Variants in LARP4 observed in about 807,000 individuals in gnomAD.
LARP4 encodes La ribonucleoprotein 4.
A neutral mutation model predicts 92.9 loss-of-function variants in LARP4; 29 were observed. The ratio of observed to expected loss-of-function variants is 0.31; its 90% CI spans 0.23 to 0.43. The LOEUF (loss-of-function observed/expected upper bound fraction) is 0.43, where lower values mean the gene tolerates loss of function less well. LARP4 is among the 20% of genes least tolerant of loss of function. The pLI is 1.00. For missense variants in LARP4, 732 were observed against 860.0 expected (o/e 0.85, Z 1.86); for synonymous variants, 279 against 284.1 (o/e 0.98, Z 0.18).
At chr12:50,428,003 T>TTC in intron 2 of LARP4, 94 bp downstream of exon 2, 1 of 926,754 alleles carries the variant, frequency 1.1e-6, no homozygotes, top group East Asian at 2.8e-5. Flanking sequence ...CTTTTTTTTT[T>TTC]TTTTTTTTTT....
At chr12:50,415,157 C>T (rs1946554366) in intron 1 of LARP4, among the ~76,000 whole-genome samples, 1 of 152,218 alleles carries the variant, frequency 6.6e-6, no homozygotes, top group South Asian at 2.1e-4. Flanking sequence ...GAGCCGAGAT[C>T]GTGCCATTGC....
chr12:50,453,732 GAA>G lies in LARP4; in HGVS notation c.1017+62_1017+63del, dbSNP rs1397216631. On this transcript the variant is annotated intron_variant, in intron 9 of 15. Coordinates refer to ENST00000398473, the MANE Select transcript of LARP4 (RefSeq NM_052879.5). ...TTTTTAATTTGAGCTGAAATTTGAA[GAA>G]ATCAGTTGGAGTGGGAGCTCATTTA... 600 of 1,156,102 alleles carry G rather than the reference GAA, an allele frequency of 5.2e-4. 11 individuals carry two copies. In the South Asian group the frequency reaches 9.3e-3, roughly 18 times the overall value. 71.6% of individuals were successfully genotyped at this position (1,156,102 alleles called of 1,614,324 possible). A position where few individuals can be genotyped will look rare whatever the true frequency, so the allele number is the denominator to read the frequency against.
At chr12:50,461,477 T>C in intron 11 of LARP4, 130 bp downstream of exon 11, 2 of 976,962 alleles carry the variant, frequency 2.0e-6, no homozygotes, top group Non-Finnish European at 3.0e-6. Context: ...ATAAATACGT[T>C]ATTTTCAGAA....
intron 8 of LARP4, among the ~76,000 whole-genome samples, chr12:50,448,389 GT>G (rs151323831): frequency 0.013 from 1,963 of 152,192 alleles, 45 homozygotes; most frequent in African/African-American, 0.043. Context: ...AATTTTAACA[GT>G]TAGTAGAAAA....
Position 50,411,788 on chromosome 12 carries a change from C to G in LARP4, c.18+10760C>G, listed in dbSNP as rs891962010. Among the ~76,000 whole-genome samples the G allele has an allele frequency of 3.9e-5, 6 of 152,214 alleles. No homozygotes were observed. In the East Asian group the frequency reaches 5.8e-4, roughly 15 times the overall value. On this transcript the variant is annotated intron_variant, in intron 1 of 15. Transcript: ENST00000398473. ...CTCTGCCCCCCGAGTTCAAGTGATT[C>G]TCCTGCCTCAGCGTCCCGAGTAGCT... is the stretch of plus-strand genomic sequence containing the variant.
At chr12:50,406,918 A>G (rs149882364) in intron 1 of LARP4, among the ~76,000 whole-genome samples, 1 of 152,222 alleles carries the variant, frequency 6.6e-6, no homozygotes, top group Non-Finnish European at 1.5e-5. Context: ...AGGTTTCGCC[A>G]TGTTGGCCAA....
intron 1 of LARP4, chr12:50,416,360 T>C (rs1592831926): frequency 1.3e-5 from 2 of 152,328 alleles, no homozygotes; most frequent in South Asian, 4.1e-4. Context: ...AATCAGAGCG[T>C]CTACTGCACC....
At chr12:50,444,427 C>T (rs367915619) in intron 8 of LARP4, among the ~76,000 whole-genome samples, 2 of 151,924 alleles carry the variant, frequency 1.3e-5, no homozygotes, top group East Asian at 1.9e-4. Flanking sequence ...CTTTATGCTT[C>T]TTTTGATGAG....
intron 8 of LARP4, among the ~76,000 whole-genome samples, chr12:50,447,827 G>T (rs1952460083): frequency 6.6e-6 from 1 of 151,984 alleles, no homozygotes; most frequent in African/African-American, 2.4e-5. Context: ...GTGATTACAG[G>T]TGTCAGGCAC....
intron 1 of LARP4, 22 bp downstream of exon 1, chr12:50,401,050 C>T: frequency 1.9e-6 from 3 of 1,613,878 alleles, no homozygotes; most frequent in South Asian, 1.1e-5. Context: ...ATGCTAGTCT[C>T]GTCCTGCTCT....
intron 6 of LARP4, 126 bp downstream of exon 6, chr12:50,437,964 C>T: frequency 1.8e-6 from 1 of 559,866 alleles, no homozygotes; most frequent in Non-Finnish European, 3.2e-6. Context: ...TCAGTGCCTT[C>T]ATCAGTTACT....
intron 1 of LARP4, among the ~76,000 whole-genome samples, chr12:50,411,059 T>G (rs1945795820): frequency 6.6e-6 from 1 of 152,232 alleles, no homozygotes; most frequent in African/African-American, 2.4e-5. Context: ...TGGTCCAGTT[T>G]CCTTGCTGTT....
At chr12:50,404,469 C>T (rs1398986591) in intron 1 of LARP4, among the ~76,000 whole-genome samples, 2 of 152,054 alleles carry the variant, frequency 1.3e-5, no homozygotes. Flanking sequence ...GCAGGAGTTT[C>T]GCTTGAGTAT....
chr12:50,443,505 A>G (rs1951555092), intron 8 of LARP4, among the ~76,000 whole-genome samples: 1 of 152,252 alleles, frequency 6.6e-6, no homozygotes, highest in African/African-American at 2.4e-5. Flanking sequence ...GAACTCAAAC[A>G]GTCCTTCCAT....
chr12:50,460,990 G>A (rs1490217438), intron 10 of LARP4, 145 bp from the exon 11 acceptor site: 4 of 675,354 alleles, frequency 5.9e-6, no homozygotes, highest in African/African-American at 3.7e-5. Flanking sequence ...TGTAAAAGGG[G>A]CAACACTTTT....
At position 50,462,595 on chromosome 12, in the gene LARP4, A is replaced by C; in HGVS notation, c.1348A>C (p.Arg450=). The C allele has an allele frequency of 1.3e-6, 2 of 1,543,710 alleles. No individual in the cohort carries two copies. The highest frequency in any genetic ancestry group is 1.2e-5 in the South Asian group (1 of 84,094). ...DYGRGRRTLF[R]GRRRREDDRI... ...TCTTATTAAAAGGAGAACTCTCTTC[A>C]GAGGTCGAAGACGACGAGAAGATGA... The change falls in exon 12 of 16, where the codon AGA becomes CGA. Residue 450 remains arginine, a synonymous_variant. Coordinates refer to ENST00000398473, the MANE Select transcript of LARP4 (RefSeq NM_052879.5).
intron 7 of LARP4, among the ~76,000 whole-genome samples, chr12:50,441,098 CGGTCTCA>C (rs1158305955): frequency 6.6e-6 from 1 of 151,836 alleles, no homozygotes; most frequent in African/African-American, 2.4e-5. Flanking sequence ...TTGGTCAGGC[CGGTCTCA>C]AACTCCTGAC....
chr12:50,424,209 A>T (rs75690124), intron 1 of LARP4, among the ~76,000 whole-genome samples: 16,489 of 151,648 alleles, frequency 0.11, 1,752 homozygotes, highest in East Asian at 0.45. Context: ...ACTCTGCCAA[A>T]TTTTTTTTTA....
intron 4 of LARP4, among the ~76,000 whole-genome samples, chr12:50,430,836 A>G (rs1393770647): frequency 1.3e-5 from 2 of 151,722 alleles, no homozygotes; most frequent in East Asian, 2.0e-4. Flanking sequence ...TAATATTTGT[A>G]TTTTTAGTAG....
Sources: gnomAD v4.1 joint callset for allele counts (sites outside exome capture counted in the v4.1 genomes callset) on GRCh38, gnomAD v4.1.1 for gene constraint, MANE v1.5 for transcripts, NCBI Gene and HGNC (gene_info 2026-07-23, HGNC 2026-07-21) for gene names.